TMBIM6: variants seen among roughly 807,000 people sequenced by gnomAD.
The protein encoded by TMBIM6 is bax inhibitor 1.
In TMBIM6, 13 loss-of-function variants were observed where a neutral mutation model predicts 31.4. The ratio of observed to expected loss-of-function variants is 0.41; its 90% CI spans 0.27 to 0.66. The LOEUF (loss-of-function observed/expected upper bound fraction) is 0.66, where lower values mean the gene tolerates loss of function less well. Among genes scored for constraint, TMBIM6 ranks in the 30% least tolerant of loss-of-function variants. TMBIM6 has a pLI of 0.28. For synonymous variants in TMBIM6, 85 were observed against 101.7 expected (o/e 0.84, Z 0.99); for missense variants, 275 against 289.5 (o/e 0.95, Z 0.36).
intron 1 of TMBIM6, 45 bp from the exon 2 acceptor site, chr12:49,752,419 T>G: frequency 7.4e-7 from 1 of 1,351,790 alleles, no homozygotes; most frequent in Non-Finnish European, 1.0e-6. Flanking sequence ...GCTGTTCGTG[T>G]GATTCTGTAT....
At chr12:49,759,168 T>G in intron 7 of TMBIM6, 53 bp from the exon 8 acceptor site, 1 of 1,503,940 alleles carries the variant, frequency 6.6e-7, no homozygotes, top group Non-Finnish European at 9.2e-7. Flanking sequence ...TGGCTGGTTT[T>G]TTTTTCTCTG....
At chr12:49,761,907 G>C (rs1292022379) in intron 9 of TMBIM6, 128 bp downstream of exon 9, 28 of 848,070 alleles carry the variant, frequency 3.3e-5, no homozygotes, top group Non-Finnish European at 4.3e-5. Flanking sequence ...GCAGGCCACT[G>C]AGTAAGAGGT....
rs1356071962 is a variant in TMBIM6 at position 49,763,653 on chromosome 12, G to T, written c.*757G>T. ...GTGTATCAAGGTACAGCATCGTAGGGTTCCCCTAAACTTGCCCTGTTTTTG... is the reference window on the plus strand; with the variant it reads ...GTGTATCAAGGTACAGCATCGTAGGTTTCCCCTAAACTTGCCCTGTTTTTG... On this transcript the variant is annotated 3_prime_UTR_variant, in exon 10 of 10. Transcript: ENST00000267115. 6.6e-6 allele frequency: 1 copy of T among 152,250 alleles called. No homozygotes were observed. Among genetic ancestry groups the T allele is most frequent in the African/African-American group, 2.4e-5 (1 of 41,452 alleles). The allele number at this position is 152,250 out of a possible 1,614,324, so 9.4% of individuals were successfully genotyped here.
rs1382428774 is a variant in TMBIM6 at position 49,764,621 on chromosome 12, A to G, written c.*1725A>G. 6.6e-6 allele frequency: 1 copy of G among 150,636 alleles called. No homozygotes were observed. Among genetic ancestry groups the G allele is most frequent in the Non-Finnish European group, 1.5e-5 (1 of 67,970 alleles). The allele number at this position is 150,636 out of a possible 1,614,324, so 9.3% of individuals were successfully genotyped here. A position where few individuals can be genotyped will look rare whatever the true frequency, so the allele number is the denominator to read the frequency against. ...GCTAGGCCTAAGATTTTGAGTTAACATCTCTTGAAGCCAAACTCCACCTTC... is the reference window on the plus strand; with the variant it reads ...GCTAGGCCTAAGATTTTGAGTTAACGTCTCTTGAAGCCAAACTCCACCTTC... On this transcript the variant is annotated 3_prime_UTR_variant, in exon 10 of 10. Transcript: ENST00000267115.
chr12:49,744,180 T>A (rs1368209603), intron 1 of TMBIM6, among the ~76,000 whole-genome samples: 1 of 152,216 alleles, frequency 6.6e-6, no homozygotes, highest in Non-Finnish European at 1.5e-5. Flanking sequence ...TAAAAGCACC[T>A]TAAAAGTTAT....
chr12:49,761,898 C>A, intron 9 of TMBIM6, 119 bp downstream of exon 9: 1 of 934,500 alleles, frequency 1.1e-6, no homozygotes, highest in Non-Finnish European at 1.6e-6. Context: ...AACTGTAAGG[C>A]AGGCCACTGA....
intron 1 of TMBIM6, among the ~76,000 whole-genome samples, chr12:49,751,751 T>G (rs1945497726): frequency 6.7e-6 from 1 of 149,336 alleles, no homozygotes; most frequent in Non-Finnish European, 1.5e-5. Flanking sequence ...GTGCTGCTAG[T>G]GAGATAATTT....
intron 1 of TMBIM6, among the ~76,000 whole-genome samples, chr12:49,749,370 A>C (rs1760032653): frequency 6.6e-6 from 1 of 152,210 alleles, no homozygotes; most frequent in Non-Finnish European, 1.5e-5. Flanking sequence ...CTGCATCTGG[A>C]AAACCCCATC....
intron 1 of TMBIM6, among the ~76,000 whole-genome samples, chr12:49,748,262 T>A (rs997719140): frequency 1.3e-5 from 2 of 152,112 alleles, no homozygotes; most frequent in African/African-American, 4.8e-5. Context: ...TTGATAATAG[T>A]CTTTCATTTT....
chr12:49,748,740 T>G (rs1206230585), intron 1 of TMBIM6, among the ~76,000 whole-genome samples: 1 of 152,234 alleles, frequency 6.6e-6, no homozygotes, highest in Admixed American at 6.5e-5. Context: ...CCACATTGTA[T>G]TCTATGTAAA....
At chr12:49,760,111 CAA>C (rs796352103) in intron 8 of TMBIM6, among the ~76,000 whole-genome samples, 17 of 83,486 alleles carry the variant, frequency 2.0e-4, no homozygotes, top group African/African-American at 4.0e-4. Flanking sequence ...GACTCCTTCT[CAA>C]AAAAAAAAAA....
intron 8 of TMBIM6, among the ~76,000 whole-genome samples, chr12:49,761,261 G>A (rs1046667358): frequency 6.6e-6 from 1 of 152,118 alleles, no homozygotes; most frequent in African/African-American, 2.4e-5. Flanking sequence ...CCAAGCTGCA[G>A]TAGGAGAGTG....
At chr12:49,757,690 G>A (rs1945631529) in intron 4 of TMBIM6, among the ~76,000 whole-genome samples, 1 of 152,316 alleles carries the variant, frequency 6.6e-6, no homozygotes, top group South Asian at 2.1e-4. Context: ...GCATTAAGGG[G>A]TGGAATTATC....
intron 9 of TMBIM6, 46 bp from the exon 10 acceptor site, chr12:49,762,827 T>C (rs761790892): frequency 1.1e-5 from 17 of 1,594,468 alleles, no homozygotes; most frequent in Admixed American, 6.7e-5. Flanking sequence ...TTAGCTTGAA[T>C]GTCAAATGTC....
At chr12:49,757,230 CTG>C (rs1945620493) in intron 4 of TMBIM6, among the ~76,000 whole-genome samples, 1 of 152,144 alleles carries the variant, frequency 6.6e-6, no homozygotes, top group South Asian at 2.1e-4. Flanking sequence ...AGGGGAAACT[CTG>C]TGAGTAGCCA....
At chr12:49,754,794 T>A (rs1165109543) in intron 3 of TMBIM6, among the ~76,000 whole-genome samples, 1 of 152,244 alleles carries the variant, frequency 6.6e-6, no homozygotes, top group African/African-American at 2.4e-5. Flanking sequence ...TAATATGTGT[T>A]CATTTTAGAA....
chr12:49,749,175 G>T (rs1945448980), intron 1 of TMBIM6, among the ~76,000 whole-genome samples: 3 of 152,202 alleles, frequency 2.0e-5, no homozygotes, highest in Admixed American at 1.3e-4. Context: ...AAACTTGTCA[G>T]AACAGTTTGA....
Position 49,758,811 on chromosome 12 carries a change from T to TC in TMBIM6, c.513+49_513+50insC, listed in dbSNP as rs374209136. 3.5e-4 allele frequency: 520 copies of TC among 1,505,160 alleles called. 6 individuals are homozygous for TC. The East Asian group carries it at 0.012, about 34-fold the overall frequency. 93.2% of individuals were successfully genotyped at this position (1,505,160 alleles called of 1,614,324 possible). A position where few individuals can be genotyped will look rare whatever the true frequency, so the allele number is the denominator to read the frequency against. On this transcript the variant is annotated intron_variant, in intron 7 of 9. Coordinates refer to ENST00000267115, the MANE Select transcript of TMBIM6 (RefSeq NM_003217.3). ...CAGCAGCCATTTGCCTCACACTTCT[T>TC]TCTTTCCTTTTTTTTTTTTTTTTGC...
intron 1 of TMBIM6, among the ~76,000 whole-genome samples, chr12:49,745,491 G>A (rs549527919): frequency 3.3e-5 from 5 of 152,266 alleles, no homozygotes; most frequent in East Asian, 3.8e-4. Context: ...TTGGGAGGCC[G>A]AGGTGGGCAG....
Sources: allele counts gnomAD v4.1 joint callset (sites outside exome capture counted in the v4.1 genomes callset), GRCh38; gene constraint gnomAD v4.1.1; transcripts MANE v1.5; gene names NCBI Gene and HGNC (gene_info 2026-07-23, HGNC 2026-07-21).